Variants in ZNF761 observed in about 807,000 individuals in gnomAD.
ZNF761 encodes the protein zinc finger protein 761.
Under a neutral mutation model 59.9 loss-of-function variants are expected in ZNF761, and 43 were observed. The ratio of observed to expected loss-of-function variants is 0.72; its 90% CI spans 0.56 to 0.92. ZNF761 has a LOEUF of 0.92. Ranked by LOEUF, ZNF761 falls within the 40% of genes least tolerant of loss-of-function variation. The pLI is 0.00. For missense variants in ZNF761, 850 were observed against 906.1 expected (o/e 0.94, Z 0.79); for synonymous variants, 294 against 304.8 (o/e 0.96, Z 0.37).
At chr19:53,442,508 A>G (rs1600087709) in intron 1 of ZNF761, 1 of 728,162 alleles carries the variant, frequency 1.4e-6, no homozygotes, top group South Asian at 1.4e-5. Context: ...TGGAAAAGAC[A>G]ATTGATGACT....
intron 1 of ZNF761, among the ~76,000 whole-genome samples, chr19:53,437,817 A>G (rs1236836012): frequency 6.6e-6 from 1 of 151,224 alleles, no homozygotes; most frequent in Non-Finnish European, 1.5e-5. Flanking sequence ...TAGTAAAAGC[A>G]TACTTAGAAT....
At chr19:53,444,845 C>T (rs778793103) in intron 1 of ZNF761, among the ~76,000 whole-genome samples, 2 of 151,684 alleles carry the variant, frequency 1.3e-5, no homozygotes, top group East Asian at 3.9e-4. Flanking sequence ...CCAAAGACCA[C>T]AAGGGGTTTT....
rs140502396 is a variant in ZNF761 at position 53,456,163 on chromosome 19, T to C, written c.1656T>C (p.Cys552=). The C allele has an allele frequency of 1.2e-4, 188 of 1,614,080 alleles. No homozygotes were observed. The highest frequency in any genetic ancestry group is 1.5e-4 in the Non-Finnish European group (182 of 1,180,012). ...RLHSGEKPYK[C]KECGKTFNQQ... ...ATTCTGGAGAGAAACCTTACAAGTGTAAGGAGTGTGGCAAGACCTTCAATC... is the reference window on the plus strand; with the variant it reads ...ATTCTGGAGAGAAACCTTACAAGTGCAAGGAGTGTGGCAAGACCTTCAATC... Residue 552 remains cysteine (C), a synonymous_variant, in exon 5 of 5, where the codon TGT becomes TGC. Coordinates refer to ENST00000684525, the MANE Select transcript of ZNF761 (RefSeq NM_001289951.2).
intron 1 of ZNF761, among the ~76,000 whole-genome samples, chr19:53,437,558 A>G (rs1477001067): frequency 2.0e-5 from 3 of 152,170 alleles, no homozygotes; most frequent in African/African-American, 7.2e-5. Context: ...GAGGAGAGGC[A>G]TAGCTAAGGC....
chr19:53,438,151 G>C (rs10421671), intron 1 of ZNF761, among the ~76,000 whole-genome samples: 73,719 of 107,168 alleles, frequency 0.69, 27,132 homozygotes, highest in Non-Finnish European at 0.75. Context: ...AGGGTGTTTA[G>C]TGTTCTAAAG....
chr19:53,454,137 A>G (rs2086243468), intron 4 of ZNF761, among the ~76,000 whole-genome samples: 1 of 152,168 alleles, frequency 6.6e-6, no homozygotes, highest in African/African-American at 2.4e-5. Flanking sequence ...ACGCCTGGCT[A>G]CATTTTGTAA....
intron 1 of ZNF761, among the ~76,000 whole-genome samples, chr19:53,440,785 C>G (rs2086091110): frequency 6.6e-6 from 1 of 152,178 alleles, no homozygotes; most frequent in South Asian, 2.1e-4. Flanking sequence ...AAACCATCCT[C>G]CTACCTCAGC....
rs2086284349 is a variant in ZNF761 at position 53,457,715 on chromosome 19, A to T, written c.*967A>T. The T allele has an allele frequency of 5.1e-6, 1 of 196,488 alleles. No homozygotes were observed. The highest frequency in any genetic ancestry group is 6.0e-5 in the Admixed American group (1 of 16,556). The allele number at this position is 196,488 out of a possible 1,614,324, so 12.2% of individuals were successfully genotyped here. On this transcript the variant is annotated 3_prime_UTR_variant, in exon 5 of 5. Coordinates refer to ENST00000684525, the MANE Select transcript of ZNF761 (RefSeq NM_001289951.2). Reference sequence around the variant, plus strand: ...ATGTTAAGAGGATTGGGCCAGGCACATCAGCTTACACCTGTAATCTGAGCG... The same window carrying T: ...ATGTTAAGAGGATTGGGCCAGGCACTTCAGCTTACACCTGTAATCTGAGCG...
chr19:53,438,956 T>C (rs1195243730), intron 1 of ZNF761, among the ~76,000 whole-genome samples: 1 of 152,062 alleles, frequency 6.6e-6, no homozygotes, highest in Non-Finnish European at 1.5e-5. Flanking sequence ...GGCCATGAGG[T>C]CTGAGGCCAA....
intron 1 of ZNF761, among the ~76,000 whole-genome samples, chr19:53,434,452 G>T (rs796217241): frequency 6.6e-6 from 1 of 152,196 alleles, no homozygotes; most frequent in Admixed American, 6.5e-5. Flanking sequence ...ATAGAGACCA[G>T]AGGGTGCTTG....
In ZNF761 at chr19:53,450,022, T is replaced by C. The variant is rs1290999287; in HGVS notation, c.142+384T>C. 1.6e-5 allele frequency: 7 copies of C among 449,554 alleles called. 1 individual carries two copies. Among genetic ancestry groups the C allele is most frequent in the East Asian group, 1.0e-4 (3 of 29,512 alleles). The allele number at this position is 449,554 out of a possible 1,614,324, so 27.8% of individuals were successfully genotyped here. On this transcript the variant is annotated intron_variant, in intron 4 of 4. Transcript: ENST00000684525. ...TATTTTTAAGATTTTTGCATATGTG[T>C]GGCCGGGCTTGGTGGCTCACGCCTG...
At position 53,434,715 on chromosome 19, in the gene ZNF761, C is replaced by T. The variant is rs985348775; in HGVS notation, c.-185+2687C>T. Among the ~76,000 whole-genome samples, 83 of 152,142 alleles carry T rather than the reference C, an allele frequency of 5.5e-4. 8 individuals carry two copies. The highest frequency in any genetic ancestry group is 4.4e-5 in the Non-Finnish European group (3 of 68,028). ...GCTAGGTGCTTGAACTTGTGGGCAT[C>T]GGTTCGGGGGAAGAGTCAGTTAGAG... On this transcript the variant is annotated intron_variant, in intron 1 of 4. Coordinates refer to ENST00000684525, the MANE Select transcript of ZNF761 (RefSeq NM_001289951.2).
At chr19:53,452,275 G>C (rs2086228546) in intron 4 of ZNF761, among the ~76,000 whole-genome samples, 1 of 152,142 alleles carries the variant, frequency 6.6e-6, no homozygotes, top group Non-Finnish European at 1.5e-5. Flanking sequence ...CTGATTTCAG[G>C]AGTTCGAGGC....
At chr19:53,433,292 A>G (rs917939704) in intron 1 of ZNF761, among the ~76,000 whole-genome samples, 4 of 152,200 alleles carry the variant, frequency 2.6e-5, no homozygotes, top group Admixed American at 6.5e-5. Flanking sequence ...CATGTAATCT[A>G]TAGCATAGCA....
chr19:53,441,814 G>A (rs2086103846), intron 1 of ZNF761: 15 of 1,321,280 alleles, frequency 1.1e-5, no homozygotes, highest in South Asian at 7.2e-5. Context: ...CTGCAATGCC[G>A]AGTGGAGGAA....
chr19:53,450,676 C>G (rs913262876), intron 4 of ZNF761, among the ~76,000 whole-genome samples: 1 of 152,098 alleles, frequency 6.6e-6, no homozygotes, highest in African/African-American at 2.4e-5. Flanking sequence ...ACGATCTTGG[C>G]TCACCGCAGC....
Position 53,441,736 on chromosome 19 carries a change from C to A in ZNF761, c.-184-4491C>A, listed in dbSNP as rs150725361. 548 of 699,706 alleles carry A rather than the reference C, an allele frequency of 7.8e-4. 5 individuals are homozygous for A. The African/African-American group carries it at 8.4e-3, about 11-fold the overall frequency. The allele number at this position is 699,706 out of a possible 1,614,324, so 43.3% of individuals were successfully genotyped here. ...GTGCTGGGATTACAGGCATGAATGA[C>A]CATGCCCGGCTGAGATAAATCTTAG... On this transcript the variant is annotated intron_variant, in intron 1 of 4. Transcript: ENST00000684525.
intron 1 of ZNF761, chr19:53,443,110 C>T (rs1244086848): frequency 6.0e-5 from 11 of 182,134 alleles, no homozygotes; most frequent in South Asian, 2.1e-4. Flanking sequence ...TGGAAAACTT[C>T]GGTACCTAAT....
intron 1 of ZNF761, chr19:53,442,345 G>T: frequency 4.5e-6 from 5 of 1,112,502 alleles, no homozygotes; most frequent in East Asian, 2.3e-5. Flanking sequence ...GAGCAGATCA[G>T]ACTGATGGAC....
Sources: gnomAD v4.1 joint callset for allele counts (sites outside exome capture counted in the v4.1 genomes callset) on GRCh38, gnomAD v4.1.1 for gene constraint, MANE v1.5 for transcripts, NCBI Gene and HGNC (gene_info 2026-07-23, HGNC 2026-07-21) for gene names.